BABAM2: variants seen among roughly 807,000 people sequenced by gnomAD.
The protein encoded by BABAM2 is BRISC and BRCA1-A complex member 2.
Under a neutral mutation model 54.7 loss-of-function variants are expected in BABAM2, and 31 were observed. That is an observed-to-expected ratio of 0.57 (90% CI 0.43 to 0.77). The LOEUF is 0.77. BABAM2 is among the 30% of genes least tolerant of loss of function. BABAM2 has a pLI of 0.00. For synonymous variants in BABAM2, 167 were observed against 162.9 expected (o/e 1.03, Z -0.19); for missense variants, 364 against 455.8 (o/e 0.80, Z 1.83).
At chr2:28,294,323 T>G (rs888563352) in intron 10 of BABAM2, among the ~76,000 whole-genome samples, 4 of 149,432 alleles carry the variant, frequency 2.7e-5, no homozygotes, top group Non-Finnish European at 4.4e-5. Context: ...GAGGTTGCAG[T>G]GAGCCGAGAT....
chr2:28,083,756 C>T (rs142820038), intron 6 of BABAM2, among the ~76,000 whole-genome samples: 1 of 152,134 alleles, frequency 6.6e-6, no homozygotes, highest in Admixed American at 6.5e-5. Flanking sequence ...GATACTGACT[C>T]TTATCTTTGT....
intron 11 of BABAM2, among the ~76,000 whole-genome samples, chr2:28,332,467 A>G (rs1023682854): frequency 2.0e-5 from 3 of 152,174 alleles, no homozygotes; most frequent in Non-Finnish European, 4.4e-5. Context: ...AGGTGAGGAA[A>G]TGGAGTCCCA....
chr2:28,278,826 C>T (rs750608621), intron 10 of BABAM2, among the ~76,000 whole-genome samples: 7 of 152,078 alleles, frequency 4.6e-5, no homozygotes, highest in Non-Finnish European at 8.8e-5. Flanking sequence ...AGCAGAGGAC[C>T]GGATCTGGGG....
intron 7 of BABAM2, among the ~76,000 whole-genome samples, chr2:28,175,374 G>A (rs72816423): frequency 0.091 from 13,899 of 152,214 alleles, 684 homozygotes; most frequent in South Asian, 0.13. Flanking sequence ...ACCATAGCCT[G>A]CACAGGAGGC....
chr2:28,124,397 G>C (rs1231143827), intron 6 of BABAM2, among the ~76,000 whole-genome samples: 1 of 152,142 alleles, frequency 6.6e-6, no homozygotes, highest in Non-Finnish European at 1.5e-5. Context: ...AAAGTTCAAG[G>C]TTGAATACTC....
At chr2:27,955,809 A>G (rs915643229) in intron 3 of BABAM2, among the ~76,000 whole-genome samples, 3 of 152,218 alleles carry the variant, frequency 2.0e-5, no homozygotes, top group African/African-American at 4.8e-5. Context: ...TTCAAACTAT[A>G]CGAACAGAGA....
At chr2:28,129,530 T>G (rs1190905239) in intron 7 of BABAM2, 150 bp downstream of exon 7, 2 of 730,798 alleles carry the variant, frequency 2.7e-6, no homozygotes, top group Non-Finnish European at 4.6e-6. Context: ...GAGTTTCCAT[T>G]GCAGAGTAAA....
chr2:28,110,158 T>G (rs1667872915), intron 6 of BABAM2, among the ~76,000 whole-genome samples: 1 of 152,214 alleles, frequency 6.6e-6, no homozygotes, highest in Admixed American at 6.5e-5. Context: ...TTAGTTAGTA[T>G]AATGTCCTCG....
intron 7 of BABAM2, among the ~76,000 whole-genome samples, chr2:28,156,927 T>A (rs1268402647): frequency 6.6e-6 from 1 of 152,250 alleles, no homozygotes; most frequent in East Asian, 1.9e-4. Flanking sequence ...CCATTCAATT[T>A]AATTGATAGA....
intron 7 of BABAM2, among the ~76,000 whole-genome samples, chr2:28,193,660 C>T (rs1558423744): frequency 6.6e-6 from 1 of 152,116 alleles, no homozygotes; most frequent in Non-Finnish European, 1.5e-5. Context: ...ATAATCTTTT[C>T]AATTTATAAG....
chr2:27,994,495 A>C (rs1192027756), intron 4 of BABAM2, among the ~76,000 whole-genome samples: 1 of 152,234 alleles, frequency 6.6e-6, no homozygotes, highest in Non-Finnish European at 1.5e-5. Context: ...CTTGCCTCAG[A>C]GTAAACACTA....
At chr2:28,208,592 T>C (rs974045) in intron 7 of BABAM2, among the ~76,000 whole-genome samples, 148,327 of 151,894 alleles carry the variant, frequency 0.98, 72,503 homozygotes, top group Middle Eastern at 1. Flanking sequence ...TCCCTCCTTT[T>C]CTCCTTCATT....
intron 6 of BABAM2, among the ~76,000 whole-genome samples, chr2:28,095,114 G>A (rs1163386678): frequency 6.6e-6 from 1 of 152,012 alleles, no homozygotes; most frequent in Non-Finnish European, 1.5e-5. Flanking sequence ...GGATTGCCAG[G>A]TCAACGGAAA....
chr2:28,256,693 C>CTTT (rs34881415), intron 10 of BABAM2, among the ~76,000 whole-genome samples: 53 of 122,774 alleles, frequency 4.3e-4, no homozygotes, highest in Middle Eastern at 4.7e-3. Context: ...TGGCTCACTT[C>CTTT]TTTTTTTTTT....
intron 10 of BABAM2, among the ~76,000 whole-genome samples, chr2:28,272,003 A>G (rs921106960): frequency 6.6e-6 from 1 of 152,174 alleles, no homozygotes; most frequent in African/African-American, 2.4e-5. Context: ...ATACAAATAC[A>G]TTTTGGAAGG....
In BABAM2 at chr2:28,250,347, T is replaced by C. The variant is rs1683335413; in HGVS notation, c.934+5485T>C. Among the ~76,000 whole-genome samples, 7 of 146,164 alleles carry C rather than the reference T, an allele frequency of 4.8e-5. No individual in the cohort carries two copies. In the Admixed American group the frequency reaches 4.8e-4, roughly 10 times the overall value. ...TTTTTTTTTTTTTTTTTTAGCTATC[T>C]AATATTGAATTACTTTCTTAGCGGT... On this transcript the variant is annotated intron_variant, in intron 10 of 11. Transcript: ENST00000379624.
chr2:28,166,192 T>C (rs1673655365), intron 7 of BABAM2, among the ~76,000 whole-genome samples: 1 of 152,098 alleles, frequency 6.6e-6, no homozygotes, highest in Non-Finnish European at 1.5e-5. Context: ...GGCCACCCAG[T>C]CTGTAGTACT....
At chr2:28,192,217 G>A (rs1390946034) in intron 7 of BABAM2, among the ~76,000 whole-genome samples, 2 of 152,004 alleles carry the variant, frequency 1.3e-5, no homozygotes, top group South Asian at 4.1e-4. Flanking sequence ...TGTATTTTTA[G>A]TAGAGACGGG....
intron 6 of BABAM2, among the ~76,000 whole-genome samples, chr2:28,051,468 A>G (rs1179128825): frequency 6.6e-6 from 1 of 152,204 alleles, no homozygotes; most frequent in Non-Finnish European, 1.5e-5. Context: ...TGGCAGCTAG[A>G]ATGAGAGAGG....
Sources: allele counts gnomAD v4.1 joint callset (sites outside exome capture counted in the v4.1 genomes callset), GRCh38; gene constraint gnomAD v4.1.1; transcripts MANE v1.5; gene names NCBI Gene and HGNC (gene_info 2026-07-23, HGNC 2026-07-21).